Variants in ANTXR1 observed in about 807,000 individuals in gnomAD.
ANTXR1 encodes anthrax toxin receptor 1.
A neutral mutation model predicts 78.1 loss-of-function variants in ANTXR1; 19 were observed. That is an observed-to-expected ratio of 0.24 (90% CI 0.17 to 0.36). ANTXR1 has a LOEUF of 0.36. Among genes scored for constraint, ANTXR1 ranks in the 10% least tolerant of loss-of-function variants. The probability of loss-of-function intolerance (pLI) is 1.00; values close to 1 mark genes in which losing one functional copy is unlikely to be tolerated. For synonymous variants in ANTXR1, 273 were observed against 260.5 expected (o/e 1.05, Z -0.46); for missense variants, 518 against 718.6 (o/e 0.72, Z 3.19).
At chr2:69,156,329 C>T (rs1673524223) in intron 13 of ANTXR1, among the ~76,000 whole-genome samples, 1 of 152,196 alleles carries the variant, frequency 6.6e-6, no homozygotes, top group African/African-American at 2.4e-5. Context: ...CCTCCTCCAG[C>T]ATCCCTCTCC....
chr2:69,023,371 G>A (rs1170643153), intron 1 of ANTXR1, among the ~76,000 whole-genome samples: 1 of 152,018 alleles, frequency 6.6e-6, no homozygotes, highest in Admixed American at 6.6e-5. Context: ...TGATAGTTGT[G>A]ATGAAGATGA....
intron 2 of ANTXR1, 40 bp from the exon 3 acceptor site, chr2:69,044,702 T>G (rs772086139): frequency 9.4e-6 from 15 of 1,602,116 alleles, no homozygotes; most frequent in Middle Eastern, 1.7e-4. Context: ...GCATGCGCAG[T>G]CTTATTGTCT....
At chr2:69,046,718 G>A (rs549504836) in intron 3 of ANTXR1, among the ~76,000 whole-genome samples, 2 of 152,156 alleles carry the variant, frequency 1.3e-5, no homozygotes, top group Non-Finnish European at 2.9e-5. Context: ...AAAGAATCAG[G>A]CTTTCAGATC....
chr2:69,243,677 C>T (rs1675943098), intron 17 of ANTXR1, among the ~76,000 whole-genome samples: 1 of 152,132 alleles, frequency 6.6e-6, no homozygotes, highest in South Asian at 2.1e-4. Flanking sequence ...ACCTCACCCT[C>T]TTCATTCTCA....
At chr2:69,074,566 T>G (rs1236192346) in intron 6 of ANTXR1, among the ~76,000 whole-genome samples, 1 of 152,184 alleles carries the variant, frequency 6.6e-6, no homozygotes, top group Admixed American at 6.5e-5. Context: ...CAATTCTATA[T>G]AAAGTCCAAC....
intron 9 of ANTXR1, among the ~76,000 whole-genome samples, chr2:69,093,441 T>A (rs2104290358): frequency 6.6e-6 from 1 of 151,988 alleles, no homozygotes; most frequent in African/African-American, 2.4e-5. Flanking sequence ...GTAAACAATA[T>A]CCCCTATATG....
chr2:69,200,296 T>G (rs2104484398), intron 17 of ANTXR1, among the ~76,000 whole-genome samples: 1 of 152,348 alleles, frequency 6.6e-6, no homozygotes, highest in Middle Eastern at 3.4e-3. Context: ...TAAATGTACA[T>G]AAACAATGTT....
intron 13 of ANTXR1, among the ~76,000 whole-genome samples, chr2:69,164,176 G>A (rs571165380): frequency 4.6e-5 from 7 of 152,306 alleles, no homozygotes; most frequent in African/African-American, 1.7e-4. Flanking sequence ...GCCTGGGTTA[G>A]GGGATGAAAG....
intron 12 of ANTXR1, among the ~76,000 whole-genome samples, chr2:69,148,236 C>T (rs1673285094): frequency 6.6e-6 from 1 of 152,196 alleles, no homozygotes; most frequent in South Asian, 2.1e-4. Flanking sequence ...GACCCCACCT[C>T]CTTTCCACCC....
chr2:69,222,440 G>T (rs1450355113), intron 17 of ANTXR1, among the ~76,000 whole-genome samples: 1 of 152,182 alleles, frequency 6.6e-6, no homozygotes, highest in Non-Finnish European at 1.5e-5. Flanking sequence ...CAGAGTGACA[G>T]AACTATCATT....
chr2:69,237,802 C>T (rs983679563), intron 17 of ANTXR1, among the ~76,000 whole-genome samples: 1 of 152,172 alleles, frequency 6.6e-6, no homozygotes, highest in Non-Finnish European at 1.5e-5. Context: ...ATACCTCTAT[C>T]TATACATATG....
At chr2:69,067,274 A>G (rs1670425667) in intron 3 of ANTXR1, among the ~76,000 whole-genome samples, 1 of 149,046 alleles carries the variant, frequency 6.7e-6, no homozygotes, top group Non-Finnish European at 1.5e-5. Context: ...GGATAAGGAC[A>G]TTTTCCAAAA....
At chr2:69,197,156 A>G (rs1319673662) in intron 17 of ANTXR1, among the ~76,000 whole-genome samples, 2 of 152,236 alleles carry the variant, frequency 1.3e-5, no homozygotes, top group Non-Finnish European at 2.9e-5. Flanking sequence ...CCACCAGGAA[A>G]TGCTTGGGCC....
intron 13 of ANTXR1, among the ~76,000 whole-genome samples, chr2:69,161,110 C>T (rs1386159156): frequency 6.6e-6 from 1 of 152,220 alleles, no homozygotes; most frequent in Non-Finnish European, 1.5e-5. Context: ...AGGCAGAGGC[C>T]AGAGGCTGCT....
chr2:69,226,192 C>A (rs1256685900), intron 17 of ANTXR1, among the ~76,000 whole-genome samples: 2 of 152,210 alleles, frequency 1.3e-5, no homozygotes, highest in African/African-American at 2.4e-5. Flanking sequence ...TCTTTGGAGA[C>A]TGAACAGAGA....
intron 17 of ANTXR1, among the ~76,000 whole-genome samples, chr2:69,226,122 G>A (rs1675445214): frequency 6.6e-6 from 1 of 152,184 alleles, no homozygotes; most frequent in Non-Finnish European, 1.5e-5. Context: ...CAATGAGGGG[G>A]TTGGTAGCCA....
chr2:69,169,224 A>G (rs181877635), intron 13 of ANTXR1, among the ~76,000 whole-genome samples: 3 of 152,376 alleles, frequency 2.0e-5, no homozygotes, highest in Admixed American at 2.0e-4. Context: ...ACCCAACTAC[A>G]AAGGCAGCAC....
At chr2:69,091,269 ATC>A (rs1174061981) in intron 9 of ANTXR1, among the ~76,000 whole-genome samples, 1 of 151,806 alleles carries the variant, frequency 6.6e-6, no homozygotes, top group Non-Finnish European at 1.5e-5. Context: ...GTTAAACCCC[ATC>A]TCTACTAAAA....
chr2:69,083,414 A>G (rs963347328), intron 8 of ANTXR1, among the ~76,000 whole-genome samples: 2 of 151,926 alleles, frequency 1.3e-5, no homozygotes, highest in Admixed American at 6.6e-5. Flanking sequence ...GTCCAAAGGC[A>G]CCCTTCAGTC....
Sources: gnomAD v4.1 joint callset for allele counts (sites outside exome capture counted in the v4.1 genomes callset) on GRCh38, gnomAD v4.1.1 for gene constraint, MANE v1.5 for transcripts, NCBI Gene and HGNC (gene_info 2026-07-23, HGNC 2026-07-21) for gene names.